The following WDR37 variants were observed in gnomAD, a reference collection of about 807,000 sequenced individuals.
WDR37 encodes WD repeat domain 37, also known as WD repeat-containing protein 37.
WDR37 carries 19 observed loss-of-function variants against 62.9 expected under a neutral mutation model. That is an observed-to-expected ratio of 0.30 (90% CI 0.21 to 0.44). The LOEUF is 0.44. WDR37 is among the 20% of genes least tolerant of loss of function. The pLI, the probability that WDR37 is intolerant of heterozygous loss-of-function variation, is 1.00. For synonymous variants in WDR37, 250 were observed against 260.9 expected (o/e 0.96, Z 0.40); for missense variants, 474 against 657.6 (o/e 0.72, Z 3.05).
In WDR37 at chr10:1,082,042, A is replaced by G. The variant is rs548815118; in HGVS notation, c.396+1566A>G. Among the ~76,000 whole-genome samples, 4 of 152,366 alleles carry G rather than the reference A, an allele frequency of 2.6e-5. No individual in the cohort carries two copies. In the East Asian group the frequency reaches 7.7e-4, roughly 29 times the overall value. On this transcript the variant is annotated intron_variant, in intron 5 of 13. Coordinates refer to ENST00000263150, the MANE Select transcript of WDR37 (RefSeq NM_014023.4). ...AAATTCATCTGAATTTATAAGAAGC[A>G]TATTACTAATGATCTTTATAGCCTT...
At chr10:1,079,709 A>G (rs1250388006) in intron 3 of WDR37, among the ~76,000 whole-genome samples, 2 of 151,110 alleles carry the variant, frequency 1.3e-5, no homozygotes, top group Non-Finnish European at 2.9e-5. Flanking sequence ...TATTTTTTGT[A>G]TTTTCAGTAG....
chr10:1,066,310 G>A (rs1296231115), intron 1 of WDR37, among the ~76,000 whole-genome samples: 1 of 152,262 alleles, frequency 6.6e-6, no homozygotes, highest in South Asian at 2.1e-4. Flanking sequence ...TAGAGACGGG[G>A]TTTCACCGTG....
chr10:1,075,311 T>G (rs1184749868), intron 2 of WDR37, among the ~76,000 whole-genome samples: 2 of 150,924 alleles, frequency 1.3e-5, no homozygotes, highest in Non-Finnish European at 2.9e-5. Context: ...CTTTAAGTTC[T>G]GGGGTACATG....
At chr10:1,126,460 G>A (rs1245836816) in intron 13 of WDR37, among the ~76,000 whole-genome samples, 1 of 152,076 alleles carries the variant, frequency 6.6e-6, no homozygotes, top group Non-Finnish European at 1.5e-5. Context: ...CCAGCCTTGT[G>A]CGTAATGGAG....
intron 7 of WDR37, among the ~76,000 whole-genome samples, chr10:1,089,781 G>A (rs577094818): frequency 5.3e-5 from 8 of 152,304 alleles, no homozygotes; most frequent in South Asian, 2.1e-4. Flanking sequence ...AGTATTCGGT[G>A]TCGTCTCTTC....
At chr10:1,101,664 A>G (rs977026334) in intron 9 of WDR37, among the ~76,000 whole-genome samples, 1 of 152,162 alleles carries the variant, frequency 6.6e-6, no homozygotes, top group African/African-American at 2.4e-5. Context: ...CACACGGAAT[A>G]AAACCTGGTG....
chr10:1,068,185 G>C (rs1439763738), intron 1 of WDR37, among the ~76,000 whole-genome samples: 1 of 152,030 alleles, frequency 6.6e-6, no homozygotes, highest in Non-Finnish European at 1.5e-5. Context: ...CTATCCTTAA[G>C]AAAGCAGTAT....
At chr10:1,119,979 A>G (rs1029213207) in intron 11 of WDR37, among the ~76,000 whole-genome samples, 1 of 152,190 alleles carries the variant, frequency 6.6e-6, no homozygotes, top group Non-Finnish European at 1.5e-5. Context: ...AAATTCTGAA[A>G]AAGAATCACA....
At chr10:1,061,212 A>G (rs1833361871) in intron 1 of WDR37, among the ~76,000 whole-genome samples, 1 of 152,052 alleles carries the variant, frequency 6.6e-6, no homozygotes, top group East Asian at 1.9e-4. Flanking sequence ...CAGTCCACCA[A>G]CTTTCTTCCA....
chr10:1,093,982 C>T (rs1348068605), intron 8 of WDR37, among the ~76,000 whole-genome samples: 1 of 152,190 alleles, frequency 6.6e-6, no homozygotes, highest in Non-Finnish European at 1.5e-5. Context: ...GTTTTAAAAA[C>T]GTGCCTTCCT....
chr10:1,102,880 G>T (rs1834874030), intron 9 of WDR37, among the ~76,000 whole-genome samples: 1 of 152,184 alleles, frequency 6.6e-6, no homozygotes, highest in African/African-American at 2.4e-5. Flanking sequence ...GAGGGCAGGG[G>T]CTTTACCAGG....
intron 7 of WDR37, among the ~76,000 whole-genome samples, 156 bp from the exon 8 acceptor site, chr10:1,093,296 T>G (rs1011644960): frequency 1.3e-5 from 2 of 152,244 alleles, no homozygotes; most frequent in Non-Finnish European, 2.9e-5. Flanking sequence ...TGTGTTCTAA[T>G]TCACACATTT....
intron 3 of WDR37, among the ~76,000 whole-genome samples, chr10:1,079,773 C>G (rs1833974754): frequency 6.6e-6 from 1 of 152,164 alleles, no homozygotes; most frequent in Admixed American, 6.5e-5. Flanking sequence ...GATCCACCTG[C>G]CTTGGCCTCC....
intron 5 of WDR37, among the ~76,000 whole-genome samples, chr10:1,082,229 T>C (rs1436294524): frequency 1.3e-5 from 2 of 152,204 alleles, no homozygotes; most frequent in African/African-American, 2.4e-5. Flanking sequence ...GGCTACAGTC[T>C]AGCTTTATTA....
In WDR37 at chr10:1,124,992, C is replaced by T. The variant is rs867802983; in HGVS notation, c.1321C>T (p.Arg441Cys). Residue 441 changes from arginine (R) to cysteine (C), a missense_variant, in exon 13 of 14, where the codon CGC (arginine) becomes TGC (cysteine). Coordinates refer to ENST00000263150, the MANE Select transcript of WDR37 (RefSeq NM_014023.4). ...GAGACTGTTTGATATGTCAGGAGTGCGCCTGGCGCGGCTTCCCCGGAGCAG... is the reference window on the plus strand; with the variant it reads ...GAGACTGTTTGATATGTCAGGAGTGTGCCTGGCGCGGCTTCCCCGGAGCAG... ...QVRLFDMSGV[R>C]LARLPRSSRQ... is the part of the protein sequence containing the mutation. 3.1e-6 allele frequency: 5 copies of T among 1,614,190 alleles called. No individual in the cohort carries two copies. The highest frequency in any genetic ancestry group is 3.4e-6 in the Non-Finnish European group (4 of 1,180,034).
At chr10:1,096,637 G>A (rs570970955) in intron 9 of WDR37, 84 of 199,238 alleles carry the variant, frequency 4.2e-4, no homozygotes, top group African/African-American at 1.8e-3. Context: ...TGCGTCGCCC[G>A]GTCTGCGGCC....
In WDR37 at chr10:1,084,496, G is replaced by A. The variant is rs1834132266; in HGVS notation, c.490G>A (p.Val164Met). ...GHRDGIWDVS[V>M]AKTQPVVLGT... ...CCGGGACGGCATCTGGGATGTCAGC[G>A]TGGCCAAGACACAGCCAGTGGTGCT... Residue 164 changes from valine to methionine, a missense_variant, in exon 6 of 14, where the codon GTG becomes ATG. Physicochemically the swap from Val to Met is conservative, Grantham distance 21 (BLOSUM62 1). Coordinates refer to ENST00000263150, the MANE Select transcript of WDR37 (RefSeq NM_014023.4). 6 of 1,614,198 alleles carry A rather than the reference G, an allele frequency of 3.7e-6. No homozygotes were observed. Among genetic ancestry groups the A allele is most frequent in the South Asian group, 1.1e-5 (1 of 91,072 alleles).
chr10:1,084,985 G>A (rs1383424522), intron 6 of WDR37, among the ~76,000 whole-genome samples: 1 of 152,220 alleles, frequency 6.6e-6, no homozygotes, highest in Non-Finnish European at 1.5e-5. Flanking sequence ...TATTTGAGAC[G>A]GAGTCTCGCT....
chr10:1,102,302 G>A (rs867646082), intron 9 of WDR37, among the ~76,000 whole-genome samples: 15 of 149,406 alleles, frequency 1.0e-4, no homozygotes, highest in African/African-American at 3.5e-4. Flanking sequence ...TGTGACGTGC[G>A]TTCCCGTGCT....
Sources: allele counts gnomAD v4.1 joint callset (sites outside exome capture counted in the v4.1 genomes callset), GRCh38; gene constraint gnomAD v4.1.1; transcripts MANE v1.5; gene names NCBI Gene and HGNC (gene_info 2026-07-23, HGNC 2026-07-21).